Variants in CDH10 observed in about 807,000 individuals in gnomAD.
CDH10 encodes cadherin-10.
A neutral mutation model predicts 73.1 loss-of-function variants in CDH10; 30 were observed. The observed-to-expected ratio is 0.41, with a 90% CI of 0.31 to 0.56. The LOEUF is 0.56. Among genes scored for constraint, CDH10 ranks in the 20% least tolerant of loss-of-function variants. The pLI is 0.27. For synonymous variants in CDH10, 345 were observed against 348.2 expected (o/e 0.99, Z 0.10); for missense variants, 815 against 973.7 (o/e 0.84, Z 2.17).
chr5:24,552,043 A>G (rs1012423565), intron 2 of CDH10, among the ~76,000 whole-genome samples: 23 of 152,176 alleles, frequency 1.5e-4, no homozygotes, highest in Admixed American at 4.6e-4. Context: ...AATAAACAAG[A>G]ACAAAGTATT....
intron 5 of CDH10, among the ~76,000 whole-genome samples, chr5:24,522,919 TA>T (rs1743394654): frequency 6.6e-6 from 1 of 151,942 alleles, no homozygotes; most frequent in African/African-American, 2.4e-5. Flanking sequence ...TCTTAAACAA[TA>T]AAAAAAATTT....
At chr5:24,496,029 G>A (rs141776491) in intron 9 of CDH10, among the ~76,000 whole-genome samples, 25 of 152,076 alleles carry the variant, frequency 1.6e-4, no homozygotes, top group Middle Eastern at 6.8e-3. Flanking sequence ...ACAATGAATG[G>A]GTTTTAAGAT....
rs1744007693 is a variant in CDH10 at position 24,537,652 on chromosome 5, C to T, written c.254G>A (p.Gly85Glu). 3 of 1,598,570 alleles carry T rather than the reference C, an allele frequency of 1.9e-6. No individual in the cohort carries two copies. Among genetic ancestry groups the T allele is most frequent in the Non-Finnish European group, 2.6e-6 (3 of 1,167,468 alleles). ...TAAGATATATTTGAGTGATCCATCT[C>T]CTTTATCTTGGTCTGAATGTAGCTA... ...VGKLHSDQDK[G>E]DGSLKYILSG... Residue 85 changes from glycine to glutamate, a missense_variant, in exon 3 of 12, where the codon GGA becomes GAA. This residue lies in a region of CDH10 where 516 missense variants were observed against 636.6 expected (regional missense o/e 0.81). Coordinates refer to ENST00000264463, the MANE Select transcript of CDH10 (RefSeq NM_006727.5).
intron 1 of CDH10, among the ~76,000 whole-genome samples, chr5:24,623,122 A>G (rs1747373741): frequency 6.6e-6 from 1 of 152,182 alleles, no homozygotes; most frequent in Admixed American, 6.5e-5. Context: ...CAGGAAGAAG[A>G]TATGACTGGG....
Position 24,509,558 on chromosome 5 carries a change from A to G in CDH10, c.1256+8T>C, listed in dbSNP as rs1261489225. Reference sequence around the variant, plus strand: ...CCGGCTGTTTTCATTTTTAAAAGGCACACTTACCTAATGGGGCTGGAAATA... The same window carrying G: ...CCGGCTGTTTTCATTTTTAAAAGGCGCACTTACCTAATGGGGCTGGAAATA... On this transcript the variant is annotated splice_region_variant and intron_variant, in intron 7 of 11. Coordinates refer to ENST00000264463, the MANE Select transcript of CDH10 (RefSeq NM_006727.5). 4 of 1,612,462 alleles carry G rather than the reference A, an allele frequency of 2.5e-6. No individual in the cohort carries two copies. The African/African-American group carries it at 4.0e-5, about 16-fold the overall frequency.
At chr5:24,582,213 A>T (rs1411008059) in intron 2 of CDH10, among the ~76,000 whole-genome samples, 1 of 152,196 alleles carries the variant, frequency 6.6e-6, no homozygotes, top group East Asian at 1.9e-4. Flanking sequence ...ACACATTGAT[A>T]TTGCATAACA....
At chr5:24,565,086 A>T (rs949892269) in intron 2 of CDH10, among the ~76,000 whole-genome samples, 2 of 152,096 alleles carry the variant, frequency 1.3e-5, no homozygotes, top group Admixed American at 1.3e-4. Flanking sequence ...TAGTTCTGAA[A>T]CCTCATTCTA....
chr5:24,540,523 T>C (rs964176567), intron 2 of CDH10, among the ~76,000 whole-genome samples: 1 of 151,898 alleles, frequency 6.6e-6, no homozygotes, highest in Non-Finnish European at 1.5e-5. Flanking sequence ...TCTGTTGGAT[T>C]AGAAAATTGA....
intron 1 of CDH10, among the ~76,000 whole-genome samples, chr5:24,620,980 C>A (rs367946948): frequency 6.6e-6 from 1 of 152,174 alleles, no homozygotes; most frequent in South Asian, 2.1e-4. Context: ...ATACAAGACA[C>A]TTGGACCTAT....
chr5:24,596,200 T>C (rs72752033), intron 1 of CDH10, among the ~76,000 whole-genome samples: 10,213 of 151,980 alleles, frequency 0.067, 403 homozygotes, highest in Middle Eastern at 0.12. Flanking sequence ...ACATATTAGA[T>C]ATTTCAAAAC....
chr5:24,575,673 A>G (rs886637160), intron 2 of CDH10, among the ~76,000 whole-genome samples: 5 of 152,182 alleles, frequency 3.3e-5, no homozygotes, highest in African/African-American at 9.7e-5. Flanking sequence ...ACATACGTTC[A>G]CTTAAATGTA....
At chr5:24,522,027 A>G (rs562698356) in intron 5 of CDH10, among the ~76,000 whole-genome samples, 1 of 152,068 alleles carries the variant, frequency 6.6e-6, no homozygotes, top group East Asian at 1.9e-4. Flanking sequence ...CCAGCTACTC[A>G]GGAAGCTGAG....
intron 1 of CDH10, among the ~76,000 whole-genome samples, chr5:24,622,697 G>A (rs1201309620): frequency 6.6e-6 from 1 of 152,146 alleles, no homozygotes; most frequent in Admixed American, 6.6e-5. Context: ...TTTATTGGTG[G>A]TGGTAGCAGG....
intron 1 of CDH10, among the ~76,000 whole-genome samples, chr5:24,600,591 G>T (rs774234543): frequency 6.6e-6 from 1 of 151,866 alleles, no homozygotes; most frequent in Admixed American, 6.6e-5. Flanking sequence ...GCAGAGCGTC[G>T]GTGTGCGTGC....
intron 1 of CDH10, among the ~76,000 whole-genome samples, chr5:24,600,177 G>C (rs1309012110): frequency 6.6e-6 from 1 of 151,920 alleles, no homozygotes; most frequent in Non-Finnish European, 1.5e-5. Context: ...TTCTTAAAGG[G>C]ATCAATCCCA....
intron 2 of CDH10, among the ~76,000 whole-genome samples, chr5:24,540,887 C>T (rs1466832265): frequency 6.6e-6 from 1 of 151,770 alleles, no homozygotes; most frequent in Admixed American, 6.6e-5. Flanking sequence ...AGTAAAGAAA[C>T]TACAAGAGAT....
chr5:24,547,491 G>GA lies in CDH10; in HGVS notation c.232-9818dup, dbSNP rs199643501. Among the ~76,000 whole-genome samples, 61 of 150,416 alleles carry GA rather than the reference G, an allele frequency of 4.1e-4. 1 individual carries two copies. The East Asian group carries it at 5.9e-3, about 14-fold the overall frequency. ...GGCCAAGGAAAGGGCACTTCTAGGA[G>GA]AAAAAAAAATAAGAGTTTTTATGGT... On this transcript the variant is annotated intron_variant, in intron 2 of 11. Coordinates refer to ENST00000264463, the MANE Select transcript of CDH10 (RefSeq NM_006727.5).
chr5:24,596,093 C>T (rs546233658), intron 1 of CDH10, among the ~76,000 whole-genome samples: 39 of 151,918 alleles, frequency 2.6e-4, no homozygotes, highest in African/African-American at 8.2e-4. Context: ...AACAATGACA[C>T]GGTTAAATAA....
chr5:24,604,895 AC>A (rs142686677), intron 1 of CDH10, among the ~76,000 whole-genome samples: 259 of 144,870 alleles, frequency 1.8e-3, no homozygotes, highest in African/African-American at 7.1e-3. Flanking sequence ...AAAAAAAAAA[AC>A]AAAAACAAAC....
Sources: allele counts gnomAD v4.1 joint callset (sites outside exome capture counted in the v4.1 genomes callset), GRCh38; gene constraint gnomAD v4.1.1; regional missense constraint gnomAD v4.1.1; transcripts MANE v1.5; gene names NCBI Gene and HGNC (gene_info 2026-07-23, HGNC 2026-07-21).